TADA2A: variants seen among roughly 807,000 people sequenced by gnomAD.
The protein encoded by TADA2A is transcriptional adaptor 2A, also known as transcriptional adapter 2-alpha.
TADA2A carries 38 observed loss-of-function variants against 67.4 expected under a neutral mutation model. The observed-to-expected ratio is 0.56, with a 90% CI of 0.44 to 0.74. The LOEUF is 0.74. TADA2A is among the 30% of genes least tolerant of loss of function. The pLI, the probability that TADA2A is intolerant of heterozygous loss-of-function variation, is 0.00. For synonymous variants in TADA2A, 192 were observed against 181.6 expected, an observed-to-expected ratio of 1.06 and a Z score of -0.46; for missense variants, 454 against 547.0, an observed-to-expected ratio of 0.83 and a Z score of 1.70.
In TADA2A at chr17:37,442,966, T is replaced by C. The variant is rs146634269; in HGVS notation, c.531+314T>C. ...TCGCTTGAGTCCAGGTGTTCGAGAC[T>C]AGCCTGGGCAACGTAGTGAGACCCT... On this transcript the variant is annotated intron_variant, in intron 7 of 15. Transcript: ENST00000615182. Among the ~76,000 whole-genome samples, 69 of 152,196 alleles carry C rather than the reference T, an allele frequency of 4.5e-4. 2 individuals are homozygous for C. The East Asian group carries it at 0.013, about 29-fold the overall frequency.
chr17:37,467,451 C>G lies in TADA2A; in HGVS notation c.824-3C>G, dbSNP rs1162826675. The G allele has an allele frequency of 1.2e-6, 2 of 1,612,898 alleles. No homozygotes were observed. Among genetic ancestry groups the G allele is most frequent in the Admixed American group, 1.7e-5 (1 of 59,706 alleles). On this transcript the variant is annotated splice_region_variant and splice_polypyrimidine_tract_variant and intron_variant, in intron 11 of 15. Transcript: ENST00000615182. ...TTTCCTTCATTCCTTTTGGGGAAAA[C>G]AGTGGAATTTGAACTCCGAAGGGAA... is the stretch of plus-strand genomic sequence containing the variant.
At chr17:37,422,146 A>T (rs2052256521) in intron 2 of TADA2A, among the ~76,000 whole-genome samples, 1 of 145,332 alleles carries the variant, frequency 6.9e-6, no homozygotes, top group Non-Finnish European at 1.5e-5. Flanking sequence ...TCTGGGTTCA[A>T]GTGATTCCTC....
intron 14 of TADA2A, among the ~76,000 whole-genome samples, chr17:37,473,264 C>T (rs2053829886): frequency 6.6e-6 from 1 of 151,070 alleles, no homozygotes; most frequent in African/African-American, 2.4e-5. Flanking sequence ...TGAGCCTCTG[C>T]ACCCGGCCTC....
intron 14 of TADA2A, among the ~76,000 whole-genome samples, chr17:37,472,992 C>T (rs1469340988): frequency 3.3e-5 from 5 of 151,916 alleles, no homozygotes; most frequent in Admixed American, 2.0e-4. Flanking sequence ...GACAGGGTCT[C>T]CCTCTACTAT....
chr17:37,417,963 A>G (rs1453373448), intron 2 of TADA2A, among the ~76,000 whole-genome samples: 1 of 152,248 alleles, frequency 6.6e-6, no homozygotes, highest in Non-Finnish European at 1.5e-5. Context: ...ATGTTTAGAC[A>G]TAATTACAAT....
Position 37,462,082 on chromosome 17 carries a change from A to C in TADA2A, c.673A>C (p.Ile225Leu), listed in dbSNP as rs150744923. 2 of 1,570,740 alleles carry C rather than the reference A, an allele frequency of 1.3e-6. No individual in the cohort carries two copies. The highest frequency in any genetic ancestry group is 1.7e-6 in the Non-Finnish European group (2 of 1,148,734). Reference protein sequence around the residue: ...LKERQRRKKIIRDHGLINLRK... With the variant: ...LKERQRRKKILRDHGLINLRK... ...TATTGTGGCTTTTCATTCTAGAATT[A>C]TAAGAGACCATGGATTAATCAACCT... is the stretch of plus-strand genomic sequence containing the variant. The change falls in exon 10 of 16, where the codon ATA becomes CTA. Residue 225 changes from isoleucine to leucine, a missense_variant. This residue lies in a region of TADA2A where 403 missense variants were observed against 455.5 expected (regional missense o/e 0.88). Coordinates refer to ENST00000615182, the MANE Select transcript of TADA2A (RefSeq NM_001166105.3).
intron 2 of TADA2A, among the ~76,000 whole-genome samples, chr17:37,422,479 C>CTGATGATGATGA (rs1355232116): frequency 2.6e-5 from 2 of 76,758 alleles, no homozygotes; most frequent in African/African-American, 9.6e-5. Flanking sequence ...CCATGCCCAG[C>CTGATGATGATGA]TGATTATTAT....
intron 13 of TADA2A, 59 bp from the exon 14 acceptor site, chr17:37,471,035 C>A (rs931143549): frequency 1.9e-6 from 3 of 1,588,128 alleles, no homozygotes; most frequent in Non-Finnish European, 2.6e-6. Flanking sequence ...CTCACCGGGG[C>A]TTTTGGAAAT....
chr17:37,423,731 T>TG, intron 3 of TADA2A, 116 bp downstream of exon 3: 1 of 738,234 alleles, frequency 1.4e-6, no homozygotes, highest in Non-Finnish European at 2.1e-6. Context: ...AATCTATTCC[T>TG]TCCAATTTTT....
At chr17:37,464,475 A>G (rs1199680979) in intron 10 of TADA2A, among the ~76,000 whole-genome samples, 1 of 152,154 alleles carries the variant, frequency 6.6e-6, no homozygotes. Context: ...AATTCTTCCT[A>G]AGAATGTAAG....
intron 4 of TADA2A, among the ~76,000 whole-genome samples, chr17:37,437,326 C>T (rs912933816): frequency 2.0e-5 from 3 of 151,528 alleles, no homozygotes; most frequent in Admixed American, 6.6e-5. Context: ...CTCCTGACCT[C>T]GTGATCCGCC....
In TADA2A at chr17:37,440,457, A is replaced by T. The variant is rs760456109; in HGVS notation, c.285-48A>T. Reference sequence around the variant, plus strand: ...AAGAGCAAATGATGCTTTTAGTATTATGTGTAAATACAAGTACCACTTCTC... The same window carrying T: ...AAGAGCAAATGATGCTTTTAGTATTTTGTGTAAATACAAGTACCACTTCTC... On this transcript the variant is annotated intron_variant, in intron 5 of 15. Coordinates refer to ENST00000615182, the MANE Select transcript of TADA2A (RefSeq NM_001166105.3). 4.4e-6 allele frequency: 7 copies of T among 1,595,202 alleles called. No homozygotes were observed. The African/African-American group carries it at 8.1e-5, about 18-fold the overall frequency.
intron 9 of TADA2A, 21 bp from the exon 10 acceptor site, chr17:37,462,054 AATT>A: frequency 6.5e-7 from 1 of 1,542,842 alleles, no homozygotes; most frequent in Non-Finnish European, 8.9e-7. Context: ...CTAATGCACA[AATT>A]ATTGTGGCTT....
At chr17:37,446,102 GGT>G (rs370447482) in intron 8 of TADA2A, among the ~76,000 whole-genome samples, 262 of 119,542 alleles carry the variant, frequency 2.2e-3, no homozygotes, top group Admixed American at 4.4e-3. Context: ...TTTTTGGGGG[GGT>G]TTTTTTTTTT....
chr17:37,412,536 A>G (rs775563531), intron 2 of TADA2A, among the ~76,000 whole-genome samples: 1 of 152,188 alleles, frequency 6.6e-6, no homozygotes, highest in Non-Finnish European at 1.5e-5. Context: ...CTGTAATCCC[A>G]GCACTTTGGG....
At chr17:37,464,438 G>A (rs1237945692) in intron 10 of TADA2A, among the ~76,000 whole-genome samples, 3 of 152,102 alleles carry the variant, frequency 2.0e-5, no homozygotes, top group East Asian at 1.9e-4. Context: ...TTTTCCTGTG[G>A]GAGTTAATAC....
chr17:37,453,559 A>T (rs1168606172), intron 8 of TADA2A, among the ~76,000 whole-genome samples: 1 of 152,144 alleles, frequency 6.6e-6, no homozygotes, highest in Non-Finnish European at 1.5e-5. Flanking sequence ...ATAAGATTTT[A>T]TTTGAACATA....
At chr17:37,419,778 CAA>C (rs34588213) in intron 2 of TADA2A, among the ~76,000 whole-genome samples, 64 of 123,616 alleles carry the variant, frequency 5.2e-4, no homozygotes, top group Admixed American at 9.1e-4. Flanking sequence ...GACACTGTCT[CAA>C]AAAAAAAAAA....
intron 12 of TADA2A, 66 bp downstream of exon 12, chr17:37,467,591 T>G (rs541338998): frequency 1.5e-6 from 2 of 1,353,408 alleles, no homozygotes; most frequent in Admixed American, 4.2e-5. Flanking sequence ...AGAGGAAGTC[T>G]CTGAATTGTT....
Sources: allele counts gnomAD v4.1 joint callset (sites outside exome capture counted in the v4.1 genomes callset), GRCh38; gene constraint gnomAD v4.1.1; regional missense constraint gnomAD v4.1.1; transcripts MANE v1.5; gene names NCBI Gene and HGNC (gene_info 2026-07-23, HGNC 2026-07-21).